The following DPP10 variants were observed in gnomAD, a reference collection of about 807,000 sequenced individuals.
DPP10 encodes dipeptidyl peptidase like 10.
Under a neutral mutation model 120.9 loss-of-function variants are expected in DPP10, and 33 were observed. That is an observed-to-expected ratio of 0.27 (90% CI 0.21 to 0.37). The LOEUF (loss-of-function observed/expected upper bound fraction) is 0.37, where lower values mean the gene tolerates loss of function less well. Among genes scored for constraint, DPP10 ranks in the 10% least tolerant of loss-of-function variants. The pLI is 1.00. For missense variants in DPP10, 816 were observed against 942.8 expected (o/e 0.87, Z 1.76); for synonymous variants, 337 against 326.1 (o/e 1.03, Z -0.36).
intron 8 of DPP10, among the ~76,000 whole-genome samples, chr2:115,735,150 A>G (rs1353589559): frequency 6.6e-6 from 1 of 152,204 alleles, no homozygotes; most frequent in Admixed American, 6.5e-5. Context: ...CATAGTGGTC[A>G]TACCCAAGAA....
At chr2:115,052,236 A>T (rs1412324154) in intron 1 of DPP10, among the ~76,000 whole-genome samples, 2 of 152,192 alleles carry the variant, frequency 1.3e-5, no homozygotes, top group Non-Finnish European at 2.9e-5. Context: ...TGAAAAGAAA[A>T]TATACGTGCA....
intron 1 of DPP10, among the ~76,000 whole-genome samples, chr2:115,074,682 G>T (rs1244659442): frequency 6.6e-6 from 1 of 152,184 alleles, no homozygotes; most frequent in Non-Finnish European, 1.5e-5. Flanking sequence ...GGTAATGAGG[G>T]TTGTCCGGGG....
At chr2:115,836,058 G>A in intron 21 of DPP10, 99 bp from the exon 22 acceptor site, 1 of 606,406 alleles carries the variant, frequency 1.6e-6, no homozygotes, top group Non-Finnish European at 2.4e-6. Flanking sequence ...AGCTAAAAAT[G>A]TCTCCAGGCA....
chr2:115,532,691 C>A (rs991802), intron 5 of DPP10, among the ~76,000 whole-genome samples: 147,255 of 152,016 alleles, frequency 0.97, 71,498 homozygotes, highest in East Asian at 1. Flanking sequence ...AAAATTAAAA[C>A]CATACTTTTA....
intron 1 of DPP10, among the ~76,000 whole-genome samples, chr2:114,836,634 C>T (rs1355796995): frequency 6.6e-6 from 1 of 152,108 alleles, no homozygotes; most frequent in East Asian, 1.9e-4. Flanking sequence ...TTCGGGCACC[C>T]ATTGTCATTG....
At chr2:114,707,623 G>A (rs1700767484) in intron 1 of DPP10, among the ~76,000 whole-genome samples, 13 of 152,172 alleles carry the variant, frequency 8.5e-5, no homozygotes, top group Admixed American at 8.5e-4. Flanking sequence ...TAAAAAGTGA[G>A]TCATGAGAGT....
intron 1 of DPP10, among the ~76,000 whole-genome samples, chr2:114,902,681 A>G (rs1380946397): frequency 6.6e-6 from 1 of 152,368 alleles, no homozygotes; most frequent in East Asian, 1.9e-4. Flanking sequence ...AGCAAAATTA[A>G]GAAAGTACAG....
intron 1 of DPP10, among the ~76,000 whole-genome samples, chr2:115,250,606 T>G (rs2058713355): frequency 6.6e-6 from 1 of 152,180 alleles, no homozygotes; most frequent in South Asian, 2.1e-4. Context: ...CATTATTTAT[T>G]CTTTTTAGTT....
At chr2:115,477,666 A>C (rs1405894462) in intron 3 of DPP10, among the ~76,000 whole-genome samples, 1 of 152,160 alleles carries the variant, frequency 6.6e-6, no homozygotes, top group Non-Finnish European at 1.5e-5. Context: ...ACTTATATGG[A>C]ATCTTAAGGT....
chr2:114,529,562 A>G (rs1181937634), intron 1 of DPP10, among the ~76,000 whole-genome samples: 1 of 152,116 alleles, frequency 6.6e-6, no homozygotes, highest in Admixed American at 6.6e-5. Context: ...TGAAATTGCC[A>G]TGGGACCTCC....
rs555625646 is a variant in DPP10, at chr2:114,555,144, G to T, written c.60+112306G>T. On this transcript the variant is annotated intron_variant, in intron 1 of 25. Transcript: ENST00000410059. ...TACCTCACCCAGAGCACAGTATAGA[G>T]TATAGACACTGTCTTGTACACACTC... Among the ~76,000 whole-genome samples, 4 of 152,312 alleles carry T rather than the reference G, an allele frequency of 2.6e-5. No homozygotes were observed. The South Asian group carries it at 8.3e-4, about 32-fold the overall frequency.
chr2:114,556,883 G>T (rs1341253564), intron 1 of DPP10, among the ~76,000 whole-genome samples: 1 of 152,146 alleles, frequency 6.6e-6, no homozygotes, highest in Non-Finnish European at 1.5e-5. Flanking sequence ...CATTTTCCTT[G>T]AGAAGGGATA....
intron 1 of DPP10, among the ~76,000 whole-genome samples, chr2:115,215,767 C>T (rs1044912571): frequency 6.6e-6 from 1 of 152,040 alleles, no homozygotes; most frequent in Non-Finnish European, 1.5e-5. Context: ...GGGTATCCAC[C>T]CCCACAGAAC....
intron 1 of DPP10, among the ~76,000 whole-genome samples, chr2:114,469,453 G>T (rs2104606936): frequency 6.6e-6 from 1 of 152,282 alleles, no homozygotes. Flanking sequence ...ATTGTGGGCG[G>T]GGTGTGGTGG....
At chr2:115,237,134 AT>A (rs201551667) in intron 1 of DPP10, among the ~76,000 whole-genome samples, 5,020 of 148,930 alleles carry the variant, frequency 0.034, 166 homozygotes, top group East Asian at 0.19. Context: ...CAGACAATGC[AT>A]TTTTTTTTTC....
intron 1 of DPP10, among the ~76,000 whole-genome samples, chr2:114,748,034 A>G (rs149791673): frequency 6.6e-6 from 1 of 152,312 alleles, no homozygotes; most frequent in African/African-American, 2.4e-5. Context: ...AAGAAATTTT[A>G]TGACTTGAAT....
chr2:115,156,154 GA>G (rs2051895724), intron 1 of DPP10, among the ~76,000 whole-genome samples: 1 of 152,190 alleles, frequency 6.6e-6, no homozygotes, highest in South Asian at 2.1e-4. Flanking sequence ...AGTATTGAAA[GA>G]TGTGTTTTAA....
intron 8 of DPP10, among the ~76,000 whole-genome samples, chr2:115,736,862 GT>G: frequency 6.6e-6 from 1 of 152,028 alleles, no homozygotes; most frequent in Non-Finnish European, 1.5e-5. Context: ...CGATTCACTT[GT>G]TTTTCCTAAA....
At chr2:115,564,930 G>T (rs1001060752) in intron 5 of DPP10, among the ~76,000 whole-genome samples, 1 of 152,118 alleles carries the variant, frequency 6.6e-6, no homozygotes, top group Non-Finnish European at 1.5e-5. Context: ...GGCCTTTGAT[G>T]CTTGATGTTC....
Sources: allele counts gnomAD v4.1 joint callset (sites outside exome capture counted in the v4.1 genomes callset), GRCh38; gene constraint gnomAD v4.1.1; transcripts MANE v1.5; gene names NCBI Gene and HGNC (gene_info 2026-07-23, HGNC 2026-07-21).